PTPRG: variants seen among roughly 807,000 people sequenced by gnomAD.
PTPRG encodes the protein protein tyrosine phosphatase receptor type G.
A neutral mutation model predicts 165.3 loss-of-function variants in PTPRG; 102 were observed. The observed-to-expected ratio is 0.62, with a 90% CI of 0.53 to 0.73. The LOEUF (loss-of-function observed/expected upper bound fraction) is 0.73, where lower values mean the gene tolerates loss of function less well. PTPRG is among the 30% of genes least tolerant of loss of function. The pLI is 0.00. For synonymous variants in PTPRG, 675 were observed against 669.5 expected (o/e 1.01, Z -0.13); for missense variants, 1,866 against 1,861.4 (o/e 1.00, Z -0.05).
chr3:61,602,296 A>G (rs941279006), intron 1 of PTPRG, among the ~76,000 whole-genome samples: 1 of 152,118 alleles, frequency 6.6e-6, no homozygotes, highest in Non-Finnish European at 1.5e-5. Flanking sequence ...TGATTAAACA[A>G]GAAGGAAAAA....
intron 8 of PTPRG, among the ~76,000 whole-genome samples, chr3:62,187,654 G>GA (rs1475398939): frequency 1.3e-5 from 2 of 152,148 alleles, no homozygotes; most frequent in African/African-American, 4.8e-5. Flanking sequence ...GCCCTTTACA[G>GA]AAAAAATGTT....
intron 4 of PTPRG, among the ~76,000 whole-genome samples, chr3:62,049,120 CAAAAA>C (rs200692890): frequency 1.5e-5 from 2 of 136,508 alleles, no homozygotes; most frequent in Admixed American, 7.7e-5. Context: ...CAAAACAAAA[CAAAAA>C]AAAAAACAGA....
At chr3:62,008,487 G>C (rs577336862) in intron 4 of PTPRG, among the ~76,000 whole-genome samples, 1 of 152,320 alleles carries the variant, frequency 6.6e-6, no homozygotes, top group South Asian at 2.1e-4. Context: ...TGAATGAATA[G>C]AAGCAAAGGC....
At chr3:62,288,559 G>T (rs1157272592) in intron 28 of PTPRG, among the ~76,000 whole-genome samples, 4 of 151,926 alleles carry the variant, frequency 2.6e-5, no homozygotes, top group African/African-American at 9.7e-5. Flanking sequence ...AGTAATCCCA[G>T]CTACTCGGGA....
At chr3:61,601,210 T>A (rs1378314744) in intron 1 of PTPRG, among the ~76,000 whole-genome samples, 1 of 152,152 alleles carries the variant, frequency 6.6e-6, no homozygotes, top group Non-Finnish European at 1.5e-5. Context: ...GAGCTGAGAT[T>A]GCACCACGGC....
At chr3:61,694,941 C>T (rs1282714778) in intron 1 of PTPRG, among the ~76,000 whole-genome samples, 12 of 152,164 alleles carry the variant, frequency 7.9e-5, no homozygotes, top group Non-Finnish European at 5.9e-5. Context: ...AGAACTGTTA[C>T]CAAAAGTAGC....
intron 2 of PTPRG, among the ~76,000 whole-genome samples, chr3:61,844,284 A>G (rs1461503653): frequency 6.6e-6 from 1 of 152,094 alleles, no homozygotes; most frequent in Non-Finnish European, 1.5e-5. Context: ...CTGTTTTTAT[A>G]TTTGTATTGC....
chr3:61,752,073 C>T (rs1189783434), intron 2 of PTPRG, among the ~76,000 whole-genome samples: 1 of 152,012 alleles, frequency 6.6e-6, no homozygotes, highest in East Asian at 1.9e-4. Flanking sequence ...ATTTTTGAGA[C>T]TGTTATTATT....
chr3:61,617,258 T>C (rs532689847), intron 1 of PTPRG, among the ~76,000 whole-genome samples: 100 of 152,198 alleles, frequency 6.6e-4, no homozygotes, highest in Middle Eastern at 6.8e-3. Context: ...TATAGAGAGG[T>C]CAACTTGTTT....
intron 2 of PTPRG, among the ~76,000 whole-genome samples, chr3:61,949,504 C>T (rs2039844684): frequency 6.6e-6 from 1 of 152,128 alleles, no homozygotes; most frequent in Admixed American, 6.5e-5. Flanking sequence ...CTATGTGCCA[C>T]ATGCCTCAAT....
intron 13 of PTPRG, among the ~76,000 whole-genome samples, chr3:62,230,877 C>T (rs1332178307): frequency 1.3e-5 from 2 of 152,170 alleles, no homozygotes; most frequent in Non-Finnish European, 2.9e-5. Context: ...ATTCTGTTTG[C>T]CAGGGCAGTG....
At chr3:61,908,327 G>C (rs920389679) in intron 2 of PTPRG, among the ~76,000 whole-genome samples, 2 of 148,796 alleles carry the variant, frequency 1.3e-5, no homozygotes, top group Non-Finnish European at 3.0e-5. Flanking sequence ...TCGGGAGGCT[G>C]AGGTGGGGAA....
chr3:61,647,572 C>T (rs10866050), intron 1 of PTPRG, among the ~76,000 whole-genome samples: 9,461 of 152,056 alleles, frequency 0.062, 388 homozygotes, highest in African/African-American at 0.11. Flanking sequence ...GGGCGGATCA[C>T]GAAGTCAGGA....
At chr3:61,819,352 C>T (rs1425447979) in intron 2 of PTPRG, among the ~76,000 whole-genome samples, 1 of 152,058 alleles carries the variant, frequency 6.6e-6, no homozygotes, top group South Asian at 2.1e-4. Context: ...AAGTAGAGGT[C>T]GGTAAATGAT....
chr3:62,134,869 A>G (rs1012082762), intron 6 of PTPRG, among the ~76,000 whole-genome samples: 2 of 152,218 alleles, frequency 1.3e-5, no homozygotes, highest in African/African-American at 4.8e-5. Context: ...GAAGGGAAGG[A>G]GGAACTAAAG....
chr3:62,033,225 C>A (rs1460514254), intron 4 of PTPRG, among the ~76,000 whole-genome samples: 1 of 152,098 alleles, frequency 6.6e-6, no homozygotes, highest in Non-Finnish European at 1.5e-5. Flanking sequence ...CCTGCTTTGT[C>A]CTACTTCTGA....
At chr3:62,182,250 AACCTGTGTTGTTCAAGGGTC>A (rs1705684870) in intron 8 of PTPRG, among the ~76,000 whole-genome samples, 2 of 152,160 alleles carry the variant, frequency 1.3e-5, no homozygotes, top group African/African-American at 4.8e-5. Flanking sequence ...ATGCAGTTCG[AACCTGTGTTGTTCAAGGGTC>A]ACCTGTATTG....
chr3:62,167,970 G>A lies in PTPRG; in HGVS notation c.841-1G>A. The stretch of plus-strand genomic sequence containing the variant: ...CCTCCCCTCTCTGGTCCTCTGTTCA[G>A]CTTGAGGCTTTTTATTCCATCTTCA... On this transcript the variant is annotated splice_acceptor_variant, in intron 7 of 29. Coordinates refer to ENST00000474889, the MANE Select transcript of PTPRG (RefSeq NM_002841.4). LOFTEE classifies it high-confidence loss of function. 2 of 1,610,896 alleles carry A rather than the reference G, an allele frequency of 1.2e-6. No homozygotes were observed. The highest frequency in any genetic ancestry group is 1.7e-6 in the Non-Finnish European group (2 of 1,177,960).
intron 1 of PTPRG, among the ~76,000 whole-genome samples, chr3:61,668,909 G>A (rs1253857781): frequency 6.6e-6 from 1 of 152,132 alleles, no homozygotes; most frequent in Non-Finnish European, 1.5e-5. Context: ...CCAACATAGA[G>A]CTTTTTGCTT....
Sources: allele counts gnomAD v4.1 joint callset (sites outside exome capture counted in the v4.1 genomes callset), GRCh38; gene constraint gnomAD v4.1.1; transcripts MANE v1.5; gene names NCBI Gene and HGNC (gene_info 2026-07-23, HGNC 2026-07-21).